CCDC146: variants seen among roughly 807,000 people sequenced by gnomAD.
CCDC146 encodes coiled-coil domain containing 146.
Under a neutral mutation model 119.3 loss-of-function variants are expected in CCDC146, and 92 were observed. The ratio of observed to expected loss-of-function variants is 0.77; its 90% CI spans 0.65 to 0.92. The LOEUF (loss-of-function observed/expected upper bound fraction) is 0.92, where lower values mean the gene tolerates loss of function less well. CCDC146 is among the 40% of genes least tolerant of loss of function. The pLI is 0.00. For missense variants in CCDC146, 1,000 were observed against 1,103.0 expected (o/e 0.91, Z 1.32); for synonymous variants, 372 against 371.8 (o/e 1.00, Z -0.01).
chr7:77,185,084 CTTTT>C (rs530722557), intron 2 of CCDC146, among the ~76,000 whole-genome samples: 1 of 148,364 alleles, frequency 6.7e-6, no homozygotes, highest in Non-Finnish European at 1.5e-5. Flanking sequence ...ATAACAGAGG[CTTTT>C]TTTTTTCCAG....
chr7:77,281,535 T>G (rs577303486), intron 14 of CCDC146, among the ~76,000 whole-genome samples: 1 of 152,286 alleles, frequency 6.6e-6, no homozygotes, highest in South Asian at 2.1e-4. Flanking sequence ...TAAGCAAACT[T>G]TGATTGTGTG....
intron 1 of CCDC146, among the ~76,000 whole-genome samples, chr7:77,138,060 C>T (rs151075734): frequency 6.6e-6 from 1 of 151,708 alleles, no homozygotes. Context: ...AACAGTCTTC[C>T]TGTTATTCCT....
At chr7:77,170,786 A>G (rs1408829170) in intron 2 of CCDC146, among the ~76,000 whole-genome samples, 2 of 152,238 alleles carry the variant, frequency 1.3e-5, no homozygotes, top group African/African-American at 2.4e-5. Flanking sequence ...AAAAGAAGAC[A>G]TACATGTGGC....
chr7:77,226,618 G>A (rs1232806140), intron 2 of CCDC146, among the ~76,000 whole-genome samples: 1 of 152,154 alleles, frequency 6.6e-6, no homozygotes, highest in African/African-American at 2.4e-5. Context: ...TGCCAGCAGG[G>A]CAATTCAATA....
intron 2 of CCDC146, among the ~76,000 whole-genome samples, chr7:77,215,738 T>C (rs1408958343): frequency 1.3e-5 from 2 of 151,756 alleles, no homozygotes; most frequent in African/African-American, 4.9e-5. Flanking sequence ...TCCCACAGTT[T>C]ACACATAACT....
chr7:77,139,844 C>CA (rs1443101303), intron 1 of CCDC146, among the ~76,000 whole-genome samples: 1 of 151,256 alleles, frequency 6.6e-6, no homozygotes, highest in African/African-American at 2.4e-5. Flanking sequence ...AGGTCAAAAA[C>CA]AAAAATCAAT....
intron 5 of CCDC146, among the ~76,000 whole-genome samples, chr7:77,255,140 A>G (rs959654910): frequency 1.6e-4 from 25 of 152,198 alleles, no homozygotes; most frequent in Admixed American, 1.5e-3. Context: ...TGATGGTGGA[A>G]GGGTTTCCAG....
intron 2 of CCDC146, among the ~76,000 whole-genome samples, chr7:77,197,483 A>G (rs1791896347): frequency 2.0e-5 from 3 of 152,200 alleles, no homozygotes; most frequent in Admixed American, 6.5e-5. Flanking sequence ...GCTGGCAGCA[A>G]AGCTTTGTTC....
intron 2 of CCDC146, chr7:77,198,208 T>C: frequency 1.0e-6 from 1 of 985,394 alleles, no homozygotes; most frequent in Non-Finnish European, 1.2e-6. Flanking sequence ...TCCTTGAAAA[T>C]ATGACCCTTC....
chr7:77,256,649 T>A (rs1793184585), intron 6 of CCDC146, 140 bp downstream of exon 6: 1 of 660,618 alleles, frequency 1.5e-6, no homozygotes, highest in East Asian at 2.9e-5. Context: ...ATTGATCCTA[T>A]CAAACTAAAT....
intron 2 of CCDC146, among the ~76,000 whole-genome samples, chr7:77,187,183 C>G (rs1474390421): frequency 6.6e-6 from 1 of 152,034 alleles, no homozygotes; most frequent in African/African-American, 2.4e-5. Context: ...TATAAATGAA[C>G]TTATATAGTT....
chr7:77,284,636 GA>G (rs901946014), intron 15 of CCDC146, among the ~76,000 whole-genome samples: 1 of 149,876 alleles, frequency 6.7e-6, no homozygotes, highest in East Asian at 1.9e-4. Context: ...ATTGTTCTTA[GA>G]AAAAAAATTG....
In CCDC146 at chr7:77,233,649, C is replaced by T. The variant is rs929168540; in HGVS notation, c.157-3298C>T. Among the ~76,000 whole-genome samples the T allele has an allele frequency of 2.3e-4, 35 of 152,146 alleles. 1 individual carries two copies. Among genetic ancestry groups the T allele is most frequent in the Non-Finnish European group, 1.0e-4 (7 of 68,040 alleles). Reference sequence around the variant, plus strand: ...TACATTCTCCTAAGGAGTGCACAACCTAGATCCCTCACATGCGCATTTCAC... The same window carrying T: ...TACATTCTCCTAAGGAGTGCACAACTTAGATCCCTCACATGCGCATTTCAC... On this transcript the variant is annotated intron_variant, in intron 2 of 18. Coordinates refer to ENST00000285871, the MANE Select transcript of CCDC146 (RefSeq NM_020879.3).
At chr7:77,264,538 G>C (rs1793364924) in intron 9 of CCDC146, among the ~76,000 whole-genome samples, 1 of 152,118 alleles carries the variant, frequency 6.6e-6, no homozygotes, top group African/African-American at 2.4e-5. Context: ...GGGATTACAG[G>C]TGCGAGCCAC....
intron 4 of CCDC146, among the ~76,000 whole-genome samples, chr7:77,251,528 G>GT (rs1793060304): frequency 6.6e-6 from 1 of 152,060 alleles, no homozygotes. Flanking sequence ...GTGCCTTGCA[G>GT]TTTTTTTCTT....
rs1348392375 is a variant in CCDC146 at position 77,280,628 on chromosome 7, A to C, written c.1894A>C (p.Lys632Gln). The C allele has an allele frequency of 1.9e-6, 3 of 1,613,290 alleles. No individual in the cohort carries two copies. The highest frequency in any genetic ancestry group is 1.1e-5 in the South Asian group (1 of 90,828). The change falls in exon 14 of 19, where the codon AAA becomes CAA. Residue 632 changes from lysine (K) to glutamine (Q), a missense_variant. Physicochemically the swap from Lys to Gln is moderately conservative, Grantham distance 53 (BLOSUM62 1). Transcript: ENST00000285871. ...GGTGCAGCTTCGCAAAAGATACGAA[A>C]AAGCTGTTCAGCATCGAAATGAAAG... ...EMVQLRKRYE[K>Q]AVQHRNESGV...
intron 2 of CCDC146, among the ~76,000 whole-genome samples, chr7:77,169,831 T>G (rs999492668): frequency 6.6e-6 from 1 of 152,204 alleles, no homozygotes; most frequent in African/African-American, 2.4e-5. Context: ...GGATCCCTAG[T>G]TCCTGTTACT....
intron 2 of CCDC146, among the ~76,000 whole-genome samples, chr7:77,225,762 G>A (rs577826032): frequency 1.3e-5 from 2 of 152,170 alleles, no homozygotes; most frequent in South Asian, 4.1e-4. Flanking sequence ...GGTCAGCATG[G>A]TGAAACCCCG....
intron 2 of CCDC146, among the ~76,000 whole-genome samples, chr7:77,229,728 G>A (rs1562840628): frequency 6.6e-6 from 1 of 151,898 alleles, no homozygotes; most frequent in Non-Finnish European, 1.5e-5. Flanking sequence ...TAACTTTGTA[G>A]TGTTTTCACT....
Sources: gnomAD v4.1 joint callset for allele counts (sites outside exome capture counted in the v4.1 genomes callset) on GRCh38, gnomAD v4.1.1 for gene constraint, MANE v1.5 for transcripts, NCBI Gene and HGNC (gene_info 2026-07-23, HGNC 2026-07-21) for gene names.